KIAA1328: variants seen among roughly 807,000 people sequenced by gnomAD.
The protein encoded by KIAA1328 is KIAA1328, also known as protein hinderin.
A neutral mutation model predicts 68.1 loss-of-function variants in KIAA1328; 52 were observed. The ratio of observed to expected loss-of-function variants is 0.76; its 90% CI spans 0.61 to 0.96. The LOEUF (loss-of-function observed/expected upper bound fraction) is 0.96. KIAA1328 is among the 40% of genes least tolerant of loss of function. KIAA1328 has a pLI of 0.00. For missense variants in KIAA1328, 641 were observed against 677.6 expected (o/e 0.95, Z 0.60); for synonymous variants, 232 against 239.4 (o/e 0.97, Z 0.28).
chr18:37,051,746 A>G (rs1403141748), intron 6 of KIAA1328, among the ~76,000 whole-genome samples: 1 of 152,142 alleles, frequency 6.6e-6, no homozygotes, highest in African/African-American at 2.4e-5. Context: ...GACACAATAA[A>G]TAAGACTACA....
intron 5 of KIAA1328, chr18:36,885,945 G>T (rs139693105): frequency 7.2e-5 from 28 of 387,046 alleles, no homozygotes; most frequent in African/African-American, 5.6e-4. Context: ...TTGAACTCCT[G>T]ACCTCAGGTG....
At chr18:37,077,073 C>A (rs947554040) in intron 7 of KIAA1328, among the ~76,000 whole-genome samples, 2 of 151,678 alleles carry the variant, frequency 1.3e-5, no homozygotes, top group Admixed American at 6.6e-5. Context: ...AACATTGCTG[C>A]AAAAATCCTC....
At chr18:36,912,699 A>G (rs2049504296) in intron 5 of KIAA1328, among the ~76,000 whole-genome samples, 1 of 152,182 alleles carries the variant, frequency 6.6e-6, no homozygotes, top group Admixed American at 6.6e-5. Context: ...CCATTGCAGC[A>G]TCATTTCAAA....
chr18:36,921,812 T>C (rs2049936787), intron 5 of KIAA1328, among the ~76,000 whole-genome samples: 1 of 152,246 alleles, frequency 6.6e-6, no homozygotes, highest in African/African-American at 2.4e-5. Context: ...TTACTGAATT[T>C]TGTCAAGCTC....
At chr18:36,992,020 T>C (rs1013324760) in intron 6 of KIAA1328, among the ~76,000 whole-genome samples, 8 of 152,232 alleles carry the variant, frequency 5.3e-5, no homozygotes, top group Non-Finnish European at 1.0e-4. Flanking sequence ...AGATTATTAG[T>C]GGAGTTGAAC....
At chr18:37,062,603 T>C (rs1323735059) in intron 6 of KIAA1328, among the ~76,000 whole-genome samples, 1 of 151,890 alleles carries the variant, frequency 6.6e-6, no homozygotes, top group Non-Finnish European at 1.5e-5. Flanking sequence ...CTGCAGGCGC[T>C]TGCCACCACG....
In KIAA1328 at chr18:37,067,008, A is replaced by G; in HGVS notation, c.695A>G (p.Gln232Arg). The G allele has an allele frequency of 1.2e-6, 2 of 1,613,946 alleles. No individual in the cohort carries two copies. The highest frequency in any genetic ancestry group is 1.7e-6 in the Non-Finnish European group (2 of 1,179,862). ...AAGCAAAGACCTAAGTCTGCAGTCCAGGATTCAGCTTCAGAATCCCTTATA... is the reference window on the plus strand; with the variant it reads ...AAGCAAAGACCTAAGTCTGCAGTCCGGGATTCAGCTTCAGAATCCCTTATA... ...QTKQRPKSAV[Q>R]DSASESLIAF... The change falls in exon 7 of 10, where the codon CAG becomes CGG. Residue 232 changes from glutamine (Q) to arginine (R), a missense_variant. Coordinates refer to ENST00000280020, the MANE Select transcript of KIAA1328 (RefSeq NM_020776.3).
chr18:37,006,045 G>A (rs917455937), intron 6 of KIAA1328, among the ~76,000 whole-genome samples: 1 of 151,896 alleles, frequency 6.6e-6, no homozygotes, highest in Non-Finnish European at 1.5e-5. Flanking sequence ...GCAGAGTAAG[G>A]TGACTATAGT....
At chr18:37,119,522 G>A (rs1471388290) in intron 7 of KIAA1328, among the ~76,000 whole-genome samples, 3 of 152,072 alleles carry the variant, frequency 2.0e-5, no homozygotes, top group Non-Finnish European at 4.4e-5. Flanking sequence ...TGTCCACCAT[G>A]GCTGAGAGAG....
intron 9 of KIAA1328, among the ~76,000 whole-genome samples, chr18:37,203,857 T>C (rs949748216): frequency 6.6e-6 from 1 of 151,604 alleles, no homozygotes; most frequent in African/African-American, 2.4e-5. Context: ...TCGCCCAGGC[T>C]GGAGTGCAGT....
At chr18:36,954,973 A>G (rs1323417374) in intron 5 of KIAA1328, among the ~76,000 whole-genome samples, 1 of 152,118 alleles carries the variant, frequency 6.6e-6, no homozygotes, top group African/African-American at 2.4e-5. Context: ...CTGGGATTAC[A>G]GGTGTGACTT....
At chr18:36,860,025 T>G (rs2047513400) in intron 4 of KIAA1328, among the ~76,000 whole-genome samples, 2 of 152,036 alleles carry the variant, frequency 1.3e-5, no homozygotes, top group South Asian at 4.1e-4. Context: ...ATTTAAAAAT[T>G]TTCTTTAATT....
chr18:37,088,507 A>G (rs953994776), intron 7 of KIAA1328, among the ~76,000 whole-genome samples: 5 of 151,990 alleles, frequency 3.3e-5, no homozygotes, highest in African/African-American at 9.7e-5. Context: ...TTCACTTCCT[A>G]TGTTCATATT....
chr18:36,968,696 C>T (rs2052045052), intron 6 of KIAA1328, among the ~76,000 whole-genome samples: 1 of 152,134 alleles, frequency 6.6e-6, no homozygotes, highest in African/African-American at 2.4e-5. Flanking sequence ...TGAGATATTT[C>T]AACACCCCCA....
rs146565727 is a variant in KIAA1328, at chr18:36,904,368, C to T, written c.448+18696C>T. 2.2e-3 allele frequency among the ~76,000 whole-genome samples: 337 copies of T among 152,136 alleles called. 1 individual carries two copies. Among genetic ancestry groups the T allele is most frequent in the Non-Finnish European group, 3.8e-3 (260 of 67,964 alleles). On this transcript the variant is annotated intron_variant, in intron 5 of 9. Transcript: ENST00000280020. ...AATATATTTGTGGATTTATCTATTT[C>T]TCTTCACAGTTTTGTCTTCTTATAT...
chr18:37,061,725 TCTA>T (rs763303404), intron 6 of KIAA1328, among the ~76,000 whole-genome samples: 5 of 152,244 alleles, frequency 3.3e-5, no homozygotes, highest in Admixed American at 6.5e-5. Context: ...TGTCTTCAAC[TCTA>T]CTAATAAAAT....
At chr18:37,120,914 C>T (rs1398138728) in intron 7 of KIAA1328, among the ~76,000 whole-genome samples, 5 of 151,974 alleles carry the variant, frequency 3.3e-5, no homozygotes, top group Admixed American at 6.6e-5. Flanking sequence ...TGAGAAGCAT[C>T]GAGATTTTAG....
intron 5 of KIAA1328, among the ~76,000 whole-genome samples, chr18:36,945,737 T>C (rs1475188080): frequency 2.6e-5 from 4 of 152,188 alleles, no homozygotes; most frequent in African/African-American, 7.2e-5. Context: ...TACTGTAAAC[T>C]TATGCTTAAA....
chr18:37,088,800 A>G (rs1383175700), intron 7 of KIAA1328, among the ~76,000 whole-genome samples: 1 of 152,076 alleles, frequency 6.6e-6, no homozygotes, highest in Non-Finnish European at 1.5e-5. Context: ...CCACCTTAAA[A>G]ATTTTTAATG....
Sources: gnomAD v4.1 joint callset for allele counts (sites outside exome capture counted in the v4.1 genomes callset) on GRCh38, gnomAD v4.1.1 for gene constraint, MANE v1.5 for transcripts, NCBI Gene and HGNC (gene_info 2026-07-23, HGNC 2026-07-21) for gene names.